The following FHOD1 variants were observed in gnomAD, a reference collection of about 807,000 sequenced individuals.
FHOD1 encodes formin homology 2 domain containing 1.
In FHOD1, 89 loss-of-function variants were observed where a neutral mutation model predicts 111.6. That is an observed-to-expected ratio of 0.80 (90% CI 0.67 to 0.95). The LOEUF is 0.95. Among genes scored for constraint, FHOD1 ranks in the 40% least tolerant of loss-of-function variants. FHOD1 has a pLI of 0.00. For missense variants in FHOD1, 1,446 were observed against 1,554.2 expected, an observed-to-expected ratio of 0.93 and a Z score of 1.17; for synonymous variants, 618 against 639.0, an observed-to-expected ratio of 0.97 and a Z score of 0.50.
At chr16:67,247,017 CT>C in intron 1 of FHOD1, 192 bp downstream of exon 1, 1 of 626,806 alleles carries the variant, frequency 1.6e-6, no homozygotes, top group Non-Finnish European at 2.6e-6. Flanking sequence ...CCTGGCACCC[CT>C]CTTCAGTTTC....
In FHOD1 at chr16:67,247,404, C is replaced by T; in HGVS notation, c.7G>A (p.Gly3Ser). The T allele has an allele frequency of 1.2e-6, 2 of 1,612,694 alleles. No individual in the cohort carries two copies. The highest frequency in any genetic ancestry group is 1.7e-6 in the Non-Finnish European group (2 of 1,179,544). Reference protein sequence around the residue: MAGGEDRGDGEPV... With the variant: MASGEDRGDGEPV... ...TCTCCGTCCCCGCGGTCTTCCCCGC[C>T]CGCCATGGCTCTGCGGCCGGCTCAC... is the stretch of plus-strand genomic sequence containing the variant. Residue 3 changes from glycine (G) to serine (S), a missense_variant, in exon 1 of 22, where the codon GGC becomes AGC. Coordinates refer to ENST00000258201, the MANE Select transcript of FHOD1 (RefSeq NM_013241.3).
At chr16:67,245,680 G>T (rs940087150) in intron 1 of FHOD1, among the ~76,000 whole-genome samples, 8 of 152,048 alleles carry the variant, frequency 5.3e-5, no homozygotes, top group Admixed American at 5.2e-4. Context: ...GGGAGGTGGA[G>T]GTTGCAGTGA....
intron 2 of FHOD1, among the ~76,000 whole-genome samples, 167 bp from the exon 3 acceptor site, chr16:67,239,134 C>T (rs1233427592): frequency 1.3e-5 from 2 of 152,218 alleles, no homozygotes. Flanking sequence ...TTGGTGCAAA[C>T]ACATGTATCT....
chr16:67,229,679 A>G lies in FHOD1; in HGVS notation c.3452T>C (p.Val1151Ala). 6 of 1,614,182 alleles carry G rather than the reference A, an allele frequency of 3.7e-6. No individual in the cohort carries two copies. The highest frequency in any genetic ancestry group is 5.1e-6 in the Non-Finnish European group (6 of 1,180,040). ...TLKSGLGDDLVQALGLSKGPG... is the reference protein window; with the variant it reads ...TLKSGLGDDLAQALGLSKGPG... Reference sequence around the variant, plus strand: ...ACCCTTGCTTAGTCCCAGTGCCTGCACCAGGTCATCTCCGAGCCCACTCTT... The same window carrying G: ...ACCCTTGCTTAGTCCCAGTGCCTGCGCCAGGTCATCTCCGAGCCCACTCTT... The change falls in exon 22 of 22, where the codon GTG becomes GCG. Residue 1151 changes from valine (V) to alanine (A), a missense_variant. Val to Ala is a moderately conservative substitution (Grantham distance 64, BLOSUM62 0). This residue lies in a region of FHOD1 where 1,085 missense variants were observed against 1,108.8 expected (regional missense o/e 0.98). Transcript: ENST00000258201.
In FHOD1 at chr16:67,229,677, G is replaced by C; in HGVS notation, c.3454C>G (p.Gln1152Glu). ...LKSGLGDDLVQALGLSKGPGL... is the reference protein window; with the variant it reads ...LKSGLGDDLVEALGLSKGPGL... ...GGACCCTTGCTTAGTCCCAGTGCCT[G>C]CACCAGGTCATCTCCGAGCCCACTC... The change falls in exon 22 of 22, where the codon CAG becomes GAG. Residue 1152 changes from glutamine (Q) to glutamate (E), a missense_variant. Around this residue, in one of 3 missense-constraint regions of FHOD1, gnomAD observed 1,085 missense variants for 1,108.8 expected, o/e 0.98. Transcript: ENST00000258201. The C allele has an allele frequency of 1.2e-6, 2 of 1,614,214 alleles. No individual in the cohort carries two copies. Among genetic ancestry groups the C allele is most frequent in the South Asian group, 1.1e-5 (1 of 91,084 alleles).
At chr16:67,235,671 T>G (rs1378340278) in intron 11 of FHOD1, among the ~76,000 whole-genome samples, 1 of 152,012 alleles carries the variant, frequency 6.6e-6, no homozygotes, top group African/African-American at 2.4e-5. Flanking sequence ...TCCCTCAGCC[T>G]TAGGTTACCC....
rs558361212 is a variant in FHOD1, at chr16:67,233,636, C to T, written c.2046+21G>A. Reference sequence around the variant, plus strand: ...TCCCTCCTGCCTCCCTTGGGGCTACCTTGCAGATGAGTGGATTTACCTTGG... The same window carrying T: ...TCCCTCCTGCCTCCCTTGGGGCTACTTTGCAGATGAGTGGATTTACCTTGG... On this transcript the variant is annotated intron_variant, in intron 13 of 21. Coordinates refer to ENST00000258201, the MANE Select transcript of FHOD1 (RefSeq NM_013241.3). 5.8e-5 allele frequency: 91 copies of T among 1,568,416 alleles called. No homozygotes were observed. In the South Asian group the frequency reaches 1.1e-3, roughly 18 times the overall value.
rs780041932 is a variant in FHOD1 at position 67,230,017 on chromosome 16, G to A, written c.3215-27C>T. On this transcript the variant is annotated intron_variant, in intron 20 of 21. Coordinates refer to ENST00000258201, the MANE Select transcript of FHOD1 (RefSeq NM_013241.3). ...TGAGGAAGGCCAGATAGCAAAGTCA[G>A]GCCAAGGTGGCACTGGAGCCCATTC... The A allele has an allele frequency of 5.0e-6, 8 of 1,613,008 alleles. No individual in the cohort carries two copies. The East Asian group carries it at 1.8e-4, about 36-fold the overall frequency.
rs368715486 is a variant in FHOD1 at position 67,237,468 on chromosome 16, G to T, written c.849+7C>A. On this transcript the variant is annotated splice_region_variant and intron_variant, in intron 8 of 21. Coordinates refer to ENST00000258201, the MANE Select transcript of FHOD1 (RefSeq NM_013241.3). This position sits in a 1 kb window ranked among gnomAD's most constrained non-coding sequence, Gnocchi z 5.6. ...TCCCAGAGCTGGCACCCAGTCCTTG[G>T]CCACACCTTGTTGATGAGGGTGACC... 9 of 1,614,158 alleles carry T rather than the reference G, an allele frequency of 5.6e-6. No homozygotes were observed. The highest frequency in any genetic ancestry group is 7.6e-6 in the Non-Finnish European group (9 of 1,180,002).
At chr16:67,246,245 T>TGGGAGCAGGGGAGGGTG (rs1183283263) in intron 1 of FHOD1, among the ~76,000 whole-genome samples, 11 of 152,172 alleles carry the variant, frequency 7.2e-5, no homozygotes, top group African/African-American at 2.7e-4. Flanking sequence ...CAGCTGAGGC[T>TGGGAGCAGGGGAGGGTG]GGGAGCAGGG....
At position 67,247,450 on chromosome 16, in the gene FHOD1, G is replaced by C. The variant is rs368968066; in HGVS notation, c.-40C>G. Reference sequence around the variant, plus strand: ...CTCACGCAGCGCGCCTCCGAGTCCCGGCCCCAGTGCAGCTTCTACTCAAAG... The same window carrying C: ...CTCACGCAGCGCGCCTCCGAGTCCCCGCCCCAGTGCAGCTTCTACTCAAAG... On this transcript the variant is annotated 5_prime_UTR_variant, in exon 1 of 22. Coordinates refer to ENST00000258201, the MANE Select transcript of FHOD1 (RefSeq NM_013241.3). 1 of 1,597,156 alleles carries C rather than the reference G, an allele frequency of 6.3e-7. No homozygotes were observed. The highest frequency in any genetic ancestry group is 1.3e-5 in the African/African-American group (1 of 74,502).
rs1597326133 is a variant in FHOD1 at position 67,237,822 on chromosome 16, C to T, written c.643-54G>A. 3 of 1,533,876 alleles carry T rather than the reference C, an allele frequency of 2.0e-6. No individual in the cohort carries two copies. The highest frequency in any genetic ancestry group is 4.5e-5 in the East Asian group (2 of 44,354). On this transcript the variant is annotated intron_variant, in intron 6 of 21. Transcript: ENST00000258201. The surrounding 1 kb of genome is among the most constrained non-coding windows in gnomAD (Gnocchi z 5.6). Reference sequence around the variant, plus strand: ...GGGGCTTAGGCCAGACCTGTGCCAGCTGTTGCTGGGGAAGGGGAAGGGCTG... The same window carrying T: ...GGGGCTTAGGCCAGACCTGTGCCAGTTGTTGCTGGGGAAGGGGAAGGGCTG...
At position 67,238,004 on chromosome 16, in the gene FHOD1, G is replaced by A; in HGVS notation, c.642+30C>T. The A allele has an allele frequency of 6.2e-7, 1 of 1,603,686 alleles. No individual in the cohort carries two copies. Among genetic ancestry groups the A allele is most frequent in the Non-Finnish European group, 8.5e-7 (1 of 1,171,382 alleles). On this transcript the variant is annotated intron_variant, in intron 6 of 21. Coordinates refer to ENST00000258201, the MANE Select transcript of FHOD1 (RefSeq NM_013241.3). The surrounding 1 kb of genome is among the most constrained non-coding windows in gnomAD (Gnocchi z 4.2). ...GGCCCAGAGAGAAGCAACAGGCAAA[G>A]GGTATAAGGCTGAGTGGAGAGCCAC... is the stretch of plus-strand genomic sequence containing the variant.
intron 1 of FHOD1, chr16:67,246,814 C>T (rs1247984632): frequency 1.9e-5 from 4 of 210,646 alleles, no homozygotes; most frequent in Non-Finnish European, 2.8e-5. Context: ...TCCTCGTGGT[C>T]CCGCCCCCAC....
At position 67,237,238 on chromosome 16, in the gene FHOD1, C is replaced by T; in HGVS notation, c.993+1G>A. The T allele has an allele frequency of 6.2e-7, 1 of 1,613,030 alleles. No individual in the cohort carries two copies. Among genetic ancestry groups the T allele is most frequent in the Non-Finnish European group, 8.5e-7 (1 of 1,179,354 alleles). Reference sequence around the variant, plus strand: ...GCCTCAGAGCGTAAGGCCCGGCCCACCTCGTAGAGCACAAGCTGCGTGCGC... The same window carrying T: ...GCCTCAGAGCGTAAGGCCCGGCCCATCTCGTAGAGCACAAGCTGCGTGCGC... On this transcript the variant is annotated splice_donor_variant, in intron 9 of 21. Coordinates refer to ENST00000258201, the MANE Select transcript of FHOD1 (RefSeq NM_013241.3). LOFTEE classifies it high-confidence loss of function. This position sits in a 1 kb window ranked among gnomAD's most constrained non-coding sequence, Gnocchi z 5.6.
Position 67,238,430 on chromosome 16 carries a change from T to C in FHOD1, c.391A>G (p.Ser131Gly). 6.2e-7 allele frequency: 1 copy of C among 1,614,040 alleles called. No homozygotes were observed. The highest frequency in any genetic ancestry group is 8.5e-7 in the Non-Finnish European group (1 of 1,179,966). ...NAILEKLYSS[S>G]GPELRRSLFS... is the part of the protein sequence containing the mutation. ...AGGGAGCGGCGGAGCTCAGGACCAC[T>C]GGAGCTATACAGCTTTTCTGCAAAA... Residue 131 changes from serine (S) to glycine (G), a missense_variant, in exon 4 of 22, where the codon AGT becomes GGT. Ser to Gly is a moderately conservative substitution (Grantham distance 56). This residue lies in a region of FHOD1 where 234 missense variants were observed against 327.4 expected (regional missense o/e 0.71). Coordinates refer to ENST00000258201, the MANE Select transcript of FHOD1 (RefSeq NM_013241.3). This position sits in a 1 kb window ranked among gnomAD's most constrained non-coding sequence, Gnocchi z 4.2.
At chr16:67,234,328 A>AGGC in intron 12 of FHOD1, 29 bp downstream of exon 12, 1 of 1,605,590 alleles carries the variant, frequency 6.2e-7, no homozygotes, top group Non-Finnish European at 8.5e-7. Context: ...AGCAACAGGC[A>AGGC]GGCTCTGCCT....
At position 67,230,081 on chromosome 16, in the gene FHOD1, T is replaced by A. The variant is rs1007067939; in HGVS notation, c.3199A>T (p.Asn1067Tyr). 8.1e-6 allele frequency: 13 copies of A among 1,613,958 alleles called. No homozygotes were observed. The Admixed American group carries it at 2.2e-4, about 27-fold the overall frequency. Reference protein sequence around the residue: ...LTSRPEDTTHNRRSRGMVQSS... With the variant: ...LTSRPEDTTHYRRSRGMVQSS... Reference sequence around the variant, plus strand: ...TGGGCCTCACCTCTGCTGCGGCGATTGTGTGTGGTGTCCTCAGGCCTGCTG... The same window carrying A: ...TGGGCCTCACCTCTGCTGCGGCGATAGTGTGTGGTGTCCTCAGGCCTGCTG... The change falls in exon 20 of 22, where the codon AAT becomes TAT. Residue 1067 changes from asparagine to tyrosine, a missense_variant. Asn to Tyr is a moderately radical substitution (Grantham distance 143). Around this residue, in one of 3 missense-constraint regions of FHOD1, gnomAD observed 1,085 missense variants for 1,108.8 expected, o/e 0.98. Coordinates refer to ENST00000258201, the MANE Select transcript of FHOD1 (RefSeq NM_013241.3).
At chr16:67,240,291 C>A (rs2034629471) in intron 1 of FHOD1, among the ~76,000 whole-genome samples, 1 of 152,172 alleles carries the variant, frequency 6.6e-6, no homozygotes. Context: ...CTTTGGGAGG[C>A]TGAGGAGGGT....
Sources: gnomAD v4.1 joint callset for allele counts (sites outside exome capture counted in the v4.1 genomes callset) on GRCh38, gnomAD v4.1.1 for gene constraint, gnomAD v4.1.1 regional missense constraint, Gnocchi (gnomAD v3.1) non-coding constraint, MANE v1.5 for transcripts, NCBI Gene and HGNC (gene_info 2026-07-23, HGNC 2026-07-21) for gene names.